Variants in PPIP5K2 observed in about 807,000 individuals in gnomAD.
PPIP5K2 encodes the protein inositol hexakisphosphate and diphosphoinositol-pentakisphosphate kinase 2.
In PPIP5K2, 105 loss-of-function variants were observed where a neutral mutation model predicts 154.6. That is an observed-to-expected ratio of 0.68 (90% confidence interval 0.58 to 0.80). The LOEUF is 0.80. Among genes scored for constraint, PPIP5K2 ranks in the 30% least tolerant of loss-of-function variants. The pLI is 0.00. For missense variants in PPIP5K2, 992 were observed against 1,504.6 expected, an observed-to-expected ratio of 0.66 and a Z score of 5.64; for synonymous variants, 480 against 490.3, an observed-to-expected ratio of 0.98 and a Z score of 0.28.
chr5:103,166,945 G>A (rs1797220669), intron 17 of PPIP5K2, among the ~76,000 whole-genome samples: 2 of 152,024 alleles, frequency 1.3e-5, no homozygotes, highest in Admixed American at 6.6e-5. Context: ...GGAGGTGGAA[G>A]GGGAGGCAGG....
rs1362405109 is a variant in PPIP5K2 at position 103,137,218 on chromosome 5, A to G, written c.401+396A>G. On this transcript the variant is annotated intron_variant, in intron 4 of 30. Coordinates refer to ENST00000358359, the MANE Select transcript of PPIP5K2 (RefSeq NM_001276277.3). ...GGCTCTGTCGCCCAGTCTGGAGTGC[A>G]GTGGCGGGATCTCAGCTCACTGCAA... Among the ~76,000 whole-genome samples, 13 of 148,180 alleles carry G rather than the reference A, an allele frequency of 8.8e-5. No individual in the cohort carries two copies. The Admixed American group carries it at 8.9e-4, about 10-fold the overall frequency.
In PPIP5K2 at chr5:103,183,383, C is replaced by CA; in HGVS notation, c.3073dup (p.Ser1025LysfsTer12). 3 of 1,610,310 alleles carry CA rather than the reference C, an allele frequency of 1.9e-6. No individual in the cohort carries two copies. The highest frequency in any genetic ancestry group is 2.5e-6 in the Non-Finnish European group (3 of 1,178,868). ...CCCCCAAATCATTGGCTTTCACATC[C>CA]AGTATTTTTGGCTCATGGCAACAGG... On this transcript the variant is annotated frameshift_variant, in exon 25 of 31. Coordinates refer to ENST00000358359, the MANE Select transcript of PPIP5K2 (RefSeq NM_001276277.3). LOFTEE classifies it high-confidence loss of function.
chr5:103,169,809 T>C (rs1471617521), intron 19 of PPIP5K2, among the ~76,000 whole-genome samples: 3 of 151,732 alleles, frequency 2.0e-5, no homozygotes, highest in Non-Finnish European at 4.4e-5. Flanking sequence ...AAGTTTTATT[T>C]TGCATAATAA....
intron 17 of PPIP5K2, among the ~76,000 whole-genome samples, chr5:103,166,966 C>T (rs1011265529): frequency 2.0e-5 from 3 of 151,740 alleles, no homozygotes; most frequent in Non-Finnish European, 2.9e-5. Context: ...AGAAACAGTA[C>T]ATTTTGGTGT....
At chr5:103,142,534 G>T (rs1792970046) in intron 5 of PPIP5K2, among the ~76,000 whole-genome samples, 1 of 152,248 alleles carries the variant, frequency 6.6e-6, no homozygotes, top group Non-Finnish European at 1.5e-5. Context: ...CAAAGTGGAA[G>T]CCCAGGCAGA....
Position 103,205,223 on chromosome 5 carries a change from T to G in PPIP5K2, c.*3589T>G, listed in dbSNP as rs1017821153. ...ATTCCATGGTGTATATGTGCCACAT[T>G]TTCTTAATCCAGTCTATCATTGATG... On this transcript the variant is annotated 3_prime_UTR_variant, in exon 31 of 31. Coordinates refer to ENST00000358359, the MANE Select transcript of PPIP5K2 (RefSeq NM_001276277.3). 6.6e-5 allele frequency: 10 copies of G among 152,228 alleles called. No homozygotes were observed. Among genetic ancestry groups the G allele is most frequent in the African/African-American group, 2.2e-4 (9 of 41,454 alleles). The allele number at this position is 152,228 out of a possible 1,614,324, so 9.4% of individuals were successfully genotyped here.
chr5:103,135,518 A>T (rs1355616151), intron 3 of PPIP5K2, among the ~76,000 whole-genome samples: 4 of 152,136 alleles, frequency 2.6e-5, no homozygotes, highest in Non-Finnish European at 5.9e-5. Flanking sequence ...TGTAACCTCA[A>T]ACTCTTGGGC....
At position 103,120,475 on chromosome 5, in the gene PPIP5K2, C is replaced by T. The variant is rs1207964905; in HGVS notation, c.-298C>T. The T allele has an allele frequency of 2.2e-5, 10 of 456,552 alleles. No individual in the cohort carries two copies. In the East Asian group the frequency reaches 6.9e-4, roughly 32 times the overall value. 28.3% of individuals were successfully genotyped at this position (456,552 alleles called of 1,614,324 possible). A position where few individuals can be genotyped will look rare whatever the true frequency, so the allele number is the denominator to read the frequency against. ...ATCTCACAACTGCTCGCGTGACGACCGCATTCGTGGCAGGTGAGGGCCCAA... is the reference window on the plus strand; with the variant it reads ...ATCTCACAACTGCTCGCGTGACGACTGCATTCGTGGCAGGTGAGGGCCCAA... On this transcript the variant is annotated 5_prime_UTR_variant, in exon 1 of 31. Coordinates refer to ENST00000358359, the MANE Select transcript of PPIP5K2 (RefSeq NM_001276277.3).
chr5:103,189,104 G>C (rs530114459), intron 28 of PPIP5K2: 7 of 1,294,472 alleles, frequency 5.4e-6, no homozygotes, highest in Non-Finnish European at 7.5e-6. Flanking sequence ...TTTAGTTCAA[G>C]GAACATGGTG....
intron 30 of PPIP5K2, among the ~76,000 whole-genome samples, chr5:103,201,199 G>A (rs1444065897): frequency 3.9e-5 from 6 of 152,184 alleles, no homozygotes; most frequent in Non-Finnish European, 8.8e-5. Context: ...TAAAGGAAAA[G>A]GCCCAGGCCA....
chr5:103,183,914 T>C (rs1799963091), intron 25 of PPIP5K2, among the ~76,000 whole-genome samples: 2 of 152,202 alleles, frequency 1.3e-5, no homozygotes, highest in Admixed American at 1.3e-4. Context: ...GATAATTTTC[T>C]TCCTCATTAT....
chr5:103,160,986 T>A (rs1554215483), intron 17 of PPIP5K2, among the ~76,000 whole-genome samples: 1 of 151,926 alleles, frequency 6.6e-6, no homozygotes, highest in African/African-American at 2.4e-5. Context: ...TACTTTAAGT[T>A]ATAGGGTACA....
At chr5:103,187,873 A>T (rs1324563340) in intron 28 of PPIP5K2, among the ~76,000 whole-genome samples, 1 of 152,110 alleles carries the variant, frequency 6.6e-6, no homozygotes, top group Non-Finnish European at 1.5e-5. Context: ...TCACTGTATA[A>T]CATCGTCTGT....
chr5:103,184,094 TTAAAA>T (rs1799986007), intron 25 of PPIP5K2: 1 of 152,278 alleles, frequency 6.6e-6, no homozygotes, highest in African/African-American at 2.4e-5. Flanking sequence ...ATTTGGAAAC[TTAAAA>T]TATATATGAT....
intron 6 of PPIP5K2, among the ~76,000 whole-genome samples, chr5:103,147,240 T>C (rs1793902074): frequency 6.6e-6 from 1 of 151,910 alleles, no homozygotes; most frequent in African/African-American, 2.4e-5. Flanking sequence ...AAAATGCATA[T>C]ACATATAGAA....
Position 103,133,567 on chromosome 5 carries a change from G to A in PPIP5K2, c.229G>A (p.Val77Ile). 1 of 1,612,518 alleles carries A rather than the reference G, an allele frequency of 6.2e-7. No individual in the cohort carries two copies. Among genetic ancestry groups the A allele is most frequent in the Non-Finnish European group, 8.5e-7 (1 of 1,179,408 alleles). Residue 77 changes from valine to isoleucine, a missense_variant, in exon 3 of 31, where the codon GTA becomes ATA. Physicochemically the swap from Val to Ile is conservative, Grantham distance 29 (BLOSUM62 3). Transcript: ENST00000358359. ...ISLFKYITVV[V>I]FEEEVILNEP... ...CTTATTTAAATATATCACAGTAGTA[G>A]TATTTGAAGAGGAGGTTATTTTGAA...
rs185017750 is a variant in PPIP5K2 at position 103,206,566 on chromosome 5, A to G, written c.*4932A>G. ...TTGACATTTTGGACCATAAAATTCTACATCATAGGAAGCTGTTCCATGCAT... is the reference window on the plus strand; with the variant it reads ...TTGACATTTTGGACCATAAAATTCTGCATCATAGGAAGCTGTTCCATGCAT... On this transcript the variant is annotated 3_prime_UTR_variant, in exon 31 of 31. Coordinates refer to ENST00000358359, the MANE Select transcript of PPIP5K2 (RefSeq NM_001276277.3). 2 of 152,350 alleles carry G rather than the reference A, an allele frequency of 1.3e-5. No individual in the cohort carries two copies. Among genetic ancestry groups the G allele is most frequent in the African/African-American group, 4.8e-5 (2 of 41,586 alleles). The allele number at this position is 152,350 out of a possible 1,614,324, so 9.4% of individuals were successfully genotyped here.
intron 5 of PPIP5K2, among the ~76,000 whole-genome samples, chr5:103,143,470 C>G (rs1177471695): frequency 6.6e-6 from 1 of 152,154 alleles, no homozygotes; most frequent in African/African-American, 2.4e-5. Flanking sequence ...CCATCATGCC[C>G]CGGCAGAAAA....
At chr5:103,178,148 C>T (rs1290629183) in intron 23 of PPIP5K2, among the ~76,000 whole-genome samples, 168 bp downstream of exon 23, 1 of 151,946 alleles carries the variant, frequency 6.6e-6, no homozygotes, top group Non-Finnish European at 1.5e-5. Flanking sequence ...TACTTTTATG[C>T]ATATTGCAAT....
Sources: gnomAD v4.1 joint callset for allele counts (sites outside exome capture counted in the v4.1 genomes callset) on GRCh38, gnomAD v4.1.1 for gene constraint, MANE v1.5 for transcripts, NCBI Gene and HGNC (gene_info 2026-07-23, HGNC 2026-07-21) for gene names.